FCHO1: variants seen among roughly 807,000 people sequenced by gnomAD.
FCHO1 encodes FCH and mu domain containing endocytic adaptor 1.
A neutral mutation model predicts 114.4 loss-of-function variants in FCHO1; 45 were observed. The observed-to-expected ratio is 0.39, with a 90% CI of 0.31 to 0.50. FCHO1 has a LOEUF of 0.50. Among genes scored for constraint, FCHO1 ranks in the 20% least tolerant of loss-of-function variants. The probability of loss-of-function intolerance (pLI) is 0.77; values close to 1 mark genes in which losing one functional copy is unlikely to be tolerated. For missense variants in FCHO1, 1,042 were observed against 1,209.6 expected (o/e 0.86, Z 2.06); for synonymous variants, 480 against 488.9 (o/e 0.98, Z 0.24).
chr19:17,776,750 C>A lies in FCHO1; in HGVS notation c.1259+64C>A. 1 of 1,469,496 alleles carries A rather than the reference C, an allele frequency of 6.8e-7. No homozygotes were observed. The highest frequency in any genetic ancestry group is 9.5e-7 in the Non-Finnish European group (1 of 1,055,286). 91.0% of individuals were successfully genotyped at this position (1,469,496 alleles called of 1,614,324 possible). On this transcript the variant is annotated intron_variant, in intron 18 of 28. Transcript: ENST00000596536. The surrounding 1 kb of genome is among the most constrained non-coding windows in gnomAD (Gnocchi z 4.4). ...ACCTCCTCCCTCCACCTCCCCATGT[C>A]TCCGCCTGGTGTTCTCTTGTCCCGG...
intron 26 of FCHO1, among the ~76,000 whole-genome samples, chr19:17,785,600 G>C (rs1436432360): frequency 6.6e-6 from 1 of 152,098 alleles, no homozygotes. Flanking sequence ...TTGGGAGGCC[G>C]AGATGGGCAG....
At position 17,781,728 on chromosome 19, in the gene FCHO1, G is replaced by A. The variant is rs769982308; in HGVS notation, c.1845G>A (p.Pro615=). 15 of 1,607,530 alleles carry A rather than the reference G, an allele frequency of 9.3e-6. No individual in the cohort carries two copies. Among genetic ancestry groups the A allele is most frequent in the Admixed American group, 5.1e-5 (3 of 58,908 alleles). ...CACCCCCAGGAGTCTCCCGGGGTCC[G>A]AGCCCTGTGGTCCTGGGCTCCCAGG... ...SQTGHGVSRG[P]SPVVLGSQDA... The change falls in exon 23 of 29, where the codon CCG becomes CCA. Residue 615 remains proline (P), a synonymous_variant. Transcript: ENST00000596536.
intron 26 of FCHO1, 95 bp downstream of exon 26, chr19:17,785,019 C>T (rs754511071): frequency 3.1e-5 from 40 of 1,276,226 alleles, no homozygotes; most frequent in South Asian, 7.6e-5. Flanking sequence ...GCACCCTCGG[C>T]CTGACCGTTA....
At chr19:17,769,607 ACACACAC>A (rs2090801315) in intron 7 of FCHO1, among the ~76,000 whole-genome samples, 3 of 151,484 alleles carry the variant, frequency 2.0e-5, no homozygotes, top group African/African-American at 7.3e-5. Context: ...ACACACACAC[ACACACAC>A]ACACACACAC....
chr19:17,774,330 G>T, intron 12 of FCHO1, 47 bp downstream of exon 12: 2 of 1,613,274 alleles, frequency 1.2e-6, no homozygotes, highest in Non-Finnish European at 1.7e-6. Context: ...ATGGGGGTGA[G>T]GGAGGCTGAT....
At chr19:17,788,246 C>CCGG in intron 28 of FCHO1, 38 bp from the exon 29 acceptor site, 1 of 1,024,992 alleles carries the variant, frequency 9.8e-7, no homozygotes, top group Non-Finnish European at 1.5e-6. Context: ...CCGTACCCCT[C>CCGG]CTCCCCACCC....
intron 28 of FCHO1, 85 bp downstream of exon 28, chr19:17,787,931 G>A (rs1420605521): frequency 1.8e-5 from 26 of 1,469,742 alleles, no homozygotes; most frequent in Non-Finnish European, 2.3e-5. Context: ...GGATTGGGGT[G>A]TGGGGATCCT....
intron 19 of FCHO1, 60 bp downstream of exon 19, chr19:17,778,288 A>G (rs2147195004): frequency 3.0e-6 from 4 of 1,324,644 alleles, no homozygotes; most frequent in East Asian, 2.6e-5. Flanking sequence ...GGGTGGGGCC[A>G]TTGCAGAGTT....
intron 4 of FCHO1, among the ~76,000 whole-genome samples, chr19:17,762,307 T>TTA (rs1555717478): frequency 1.3e-4 from 19 of 151,612 alleles, no homozygotes; most frequent in East Asian, 5.8e-4. Context: ...TTTTTTTTTT[T>TTA]AAATATAAAA....
chr19:17,783,056 C>T lies in FCHO1; in HGVS notation c.1977C>T (p.Phe659=). The T allele has an allele frequency of 1.2e-6, 2 of 1,614,162 alleles. No homozygotes were observed. The highest frequency in any genetic ancestry group is 1.1e-5 in the South Asian group (1 of 91,084). ...TAACTGGGGAGCTGACCATGACCTT[C>T]CCTGCTGGCATCGTGCGTGTGTTCA... ...ARVTGELTMT[F]PAGIVRVFSG... Residue 659 remains phenylalanine, a synonymous_variant, in exon 24 of 29, where the codon TTC becomes TTT. Coordinates refer to ENST00000596536, the MANE Select transcript of FCHO1 (RefSeq NM_015122.3).
At chr19:17,771,786 A>G (rs1200051278) in intron 9 of FCHO1, among the ~76,000 whole-genome samples, 3 of 152,122 alleles carry the variant, frequency 2.0e-5, no homozygotes, top group Non-Finnish European at 4.4e-5. Flanking sequence ...CATGTGCTCA[A>G]ATAGTGCTGG....
At chr19:17,749,485 A>C (rs368393515), upstream of FCHO1, among the ~76,000 whole-genome samples, 62 of 152,180 alleles carry the variant, frequency 4.1e-4, 1 homozygote, top group African/African-American at 1.4e-3. Context: ...GGAGTCTATC[A>C]AAGGCATTGC....
rs761547319 is a variant in FCHO1 at position 17,783,073 on chromosome 19, G to C, written c.1994G>C (p.Arg665Pro). The change falls in exon 24 of 29, where the codon CGT becomes CCT. Residue 665 changes from arginine (R) to proline (P), a missense_variant. Coordinates refer to ENST00000596536, the MANE Select transcript of FCHO1 (RefSeq NM_015122.3). The stretch of plus-strand genomic sequence containing the variant: ...ATGACCTTCCCTGCTGGCATCGTGC[G>C]TGTGTTCAGCGGGACCCCACCACCA... The part of the protein sequence containing the change: ...LTMTFPAGIV[R>P]VFSGTPPPPV... The C allele has an allele frequency of 3.7e-6, 6 of 1,613,996 alleles. No individual in the cohort carries two copies. Among genetic ancestry groups the C allele is most frequent in the Non-Finnish European group, 4.2e-6 (5 of 1,180,026 alleles).
At position 17,778,650 on chromosome 19, in the gene FCHO1, T is replaced by C; in HGVS notation, c.1393T>C (p.Ser465Pro). Residue 465 changes from serine (S) to proline (P), a missense_variant, in exon 20 of 29, where the codon TCC becomes CCC. Physicochemically the swap from Ser to Pro is moderately conservative, Grantham distance 74. Coordinates refer to ENST00000596536, the MANE Select transcript of FCHO1 (RefSeq NM_015122.3). ...CTTCACCTCCAGCCCCTCCCCTTTCTCCTCCTCGTCGCCCGAAAACGTGGA... is the reference window on the plus strand; with the variant it reads ...CTTCACCTCCAGCCCCTCCCCTTTCCCCTCCTCGTCGCCCGAAAACGTGGA... ...LGFTSSPSPF[S>P]SSSPENVEDS... 1 of 1,576,730 alleles carries C rather than the reference T, an allele frequency of 6.3e-7. No homozygotes were observed.
chr19:17,770,658 A>G, intron 8 of FCHO1, 81 bp downstream of exon 8: 2 of 1,579,136 alleles, frequency 1.3e-6, no homozygotes, highest in South Asian at 2.3e-5. Flanking sequence ...AACACATCCC[A>G]GAGCGACGGT....
Position 17,778,801 on chromosome 19 carries a change from T to C in FCHO1, c.1544T>C (p.Ile515Thr). Residue 515 changes from isoleucine to threonine, a missense_variant, in exon 20 of 29, where the codon ATC (isoleucine) becomes ACC (threonine). Ile to Thr is a moderately conservative substitution (Grantham distance 89). Around this residue, in one of 3 missense-constraint regions of FCHO1, gnomAD observed 455 missense variants for 455.4 expected, o/e 1.00. Transcript: ENST00000596536. ...CRAPPPEARG[I>T]RAPPLPDSPQ... is the part of the protein sequence containing the mutation. ...GCGCCACCCCCAGAGGCCAGGGGTA[T>C]CCGGGCACCGCCTCTGCCAGACTCG... 6.5e-7 allele frequency: 1 copy of C among 1,542,890 alleles called. No homozygotes were observed. Among genetic ancestry groups the C allele is most frequent in the Non-Finnish European group, 8.7e-7 (1 of 1,150,548 alleles).
In FCHO1 at chr19:17,781,700, C is replaced by T. The variant is rs760086030; in HGVS notation, c.1829-12C>T. On this transcript the variant is annotated splice_polypyrimidine_tract_variant and intron_variant, in intron 22 of 28. Transcript: ENST00000596536. Reference sequence around the variant, plus strand: ...TATCCGTTGTTCCCCATTCCCTCTCCACCACCCCCAGGAGTCTCCCGGGGT... The same window carrying T: ...TATCCGTTGTTCCCCATTCCCTCTCTACCACCCCCAGGAGTCTCCCGGGGT... 24 of 1,591,712 alleles carry T rather than the reference C, an allele frequency of 1.5e-5. No homozygotes were observed. Among genetic ancestry groups the T allele is most frequent in the Non-Finnish European group, 2.1e-5 (24 of 1,167,362 alleles).
rs141632535 is a variant in FCHO1 at position 17,783,563 on chromosome 19, C to T, written c.2093+391C>T. Among the ~76,000 whole-genome samples, 1,099 of 151,320 alleles carry T rather than the reference C, an allele frequency of 7.3e-3. 9 individuals carry two copies. The highest frequency in any genetic ancestry group is 0.012 in the Non-Finnish European group (796 of 67,842). ...GATTACAGGCGTGAGCTACCACACC[C>T]GGCTTGATTTTTTTTTTTTAATTAT... is the stretch of plus-strand genomic sequence containing the variant. On this transcript the variant is annotated intron_variant, in intron 24 of 28. Transcript: ENST00000596536.
chr19:17,760,423 G>A (rs6512223), intron 4 of FCHO1, among the ~76,000 whole-genome samples: 71,906 of 151,870 alleles, frequency 0.47, 17,393 homozygotes, highest in East Asian at 0.71. Flanking sequence ...GAATCTGGCC[G>A]GCGTTAAGAT....
Sources: gnomAD v4.1 joint callset for allele counts (sites outside exome capture counted in the v4.1 genomes callset) on GRCh38, gnomAD v4.1.1 for gene constraint, gnomAD v4.1.1 regional missense constraint, Gnocchi (gnomAD v3.1) non-coding constraint, MANE v1.5 for transcripts, NCBI Gene and HGNC (gene_info 2026-07-23, HGNC 2026-07-21) for gene names.